The following CRTC3 variants were observed in gnomAD, a reference collection of about 807,000 sequenced individuals.
The protein encoded by CRTC3 is CREB-regulated transcription coactivator 3.
Under a neutral mutation model 74.5 loss-of-function variants are expected in CRTC3, and 26 were observed. That is an observed-to-expected ratio of 0.35 (90% CI 0.26 to 0.48). The LOEUF (loss-of-function observed/expected upper bound fraction) is 0.48. Ranked by LOEUF, CRTC3 falls within the 20% of genes least tolerant of loss-of-function variation. CRTC3 has a pLI of 0.99. For missense variants in CRTC3, 760 were observed against 787.3 expected, an observed-to-expected ratio of 0.97 and a Z score of 0.41; for synonymous variants, 377 against 325.8, an observed-to-expected ratio of 1.16 and a Z score of -1.69.
intron 4 of CRTC3, among the ~76,000 whole-genome samples, chr15:90,603,982 G>A (rs4476150): frequency 0.7 from 105,803 of 152,102 alleles, 37,087 homozygotes; most frequent in South Asian, 0.78. Flanking sequence ...CAGAGCACCA[G>A]GACTGGTTAG....
At chr15:90,641,577 G>A (rs1969444244) in intron 14 of CRTC3, among the ~76,000 whole-genome samples, 1 of 152,006 alleles carries the variant, frequency 6.6e-6, no homozygotes. Flanking sequence ...GCGGGCGCCT[G>A]TGGTCTCAGC....
rs766855055 is a variant in CRTC3 at position 90,632,304 on chromosome 15, T to A, written c.1266+2772T>A. 6.6e-5 allele frequency among the ~76,000 whole-genome samples: 10 copies of A among 152,238 alleles called. No individual in the cohort carries two copies. In the Middle Eastern group the frequency reaches 0.01, roughly 155 times the overall value. On this transcript the variant is annotated intron_variant, in intron 11 of 14. Transcript: ENST00000268184. The stretch of plus-strand genomic sequence containing the variant: ...ATTTGTTTAATATTTAGATTTTTTT[T>A]AAATGAATGTTGCTGGACACAGTTG...
chr15:90,614,755 G>A (rs150450324), intron 7 of CRTC3, among the ~76,000 whole-genome samples: 1 of 152,176 alleles, frequency 6.6e-6, no homozygotes, highest in African/African-American at 2.4e-5. Context: ...ACCAAAAATT[G>A]TAATCACATG....
chr15:90,550,406 G>GT (rs1438758511), intron 2 of CRTC3, among the ~76,000 whole-genome samples: 2 of 145,356 alleles, frequency 1.4e-5, no homozygotes, highest in East Asian at 4.0e-4. Flanking sequence ...GTGAAACTCC[G>GT]TCTCAAAAAA....
chr15:90,569,489 T>G (rs920157968), intron 2 of CRTC3, among the ~76,000 whole-genome samples: 3 of 147,068 alleles, frequency 2.0e-5, no homozygotes, highest in Non-Finnish European at 4.5e-5. Flanking sequence ...CTGGCTAATT[T>G]TGTATTTTTA....
Position 90,617,914 on chromosome 15 carries a change from G to T in CRTC3, c.645G>T (p.Glu215Asp). ...CTTTCCCTGGCCCATTGAAAGAAGA[G>T]AATCTGTTAAATGTTCCGAAGCCAC... is the stretch of plus-strand genomic sequence containing the variant. ...VASFPGPLKEENLLNVPKPLP... is the reference protein window; with the variant it reads ...VASFPGPLKEDNLLNVPKPLP... The change falls in exon 8 of 15, where the codon GAG becomes GAT. Residue 215 changes from glutamate (E) to aspartate (D), a missense_variant. Glu to Asp is a conservative substitution (Grantham distance 45). Around this residue, in one of 2 missense-constraint regions of CRTC3, gnomAD observed 652 missense variants for 635.2 expected, o/e 1.03. Transcript: ENST00000268184. 3.1e-6 allele frequency: 5 copies of T among 1,613,066 alleles called. No individual in the cohort carries two copies. The highest frequency in any genetic ancestry group is 1.1e-5 in the South Asian group (1 of 91,062).
At chr15:90,587,521 G>A (rs1347851128) in intron 2 of CRTC3, among the ~76,000 whole-genome samples, 1 of 152,206 alleles carries the variant, frequency 6.6e-6, no homozygotes, top group Non-Finnish European at 1.5e-5. Context: ...CCCATGTTCT[G>A]AAACAGTAGA....
chr15:90,593,082 G>A (rs1967838896), intron 2 of CRTC3, among the ~76,000 whole-genome samples: 1 of 152,198 alleles, frequency 6.6e-6, no homozygotes, highest in Admixed American at 6.5e-5. Context: ...GAACCTGGGA[G>A]GCGGAGGTTG....
intron 2 of CRTC3, among the ~76,000 whole-genome samples, chr15:90,557,878 G>T (rs1177618619): frequency 3.3e-5 from 5 of 152,124 alleles, no homozygotes; most frequent in Non-Finnish European, 7.4e-5. Flanking sequence ...ATGGTAACCT[G>T]CCTCGTTTCC....
chr15:90,612,176 G>A (rs145114896), intron 6 of CRTC3, among the ~76,000 whole-genome samples: 2 of 151,584 alleles, frequency 1.3e-5, no homozygotes, highest in Admixed American at 1.3e-4. Flanking sequence ...CAGCAAATTG[G>A]TTAGGGACAT....
Position 90,642,508 on chromosome 15 carries a change from CCA to C in CRTC3, c.*370_*371del. 2.8e-6 allele frequency: 1 copy of C among 354,008 alleles called. No individual in the cohort carries two copies. The allele number at this position is 354,008 out of a possible 1,614,324, so 21.9% of individuals were successfully genotyped here. A position where few individuals can be genotyped will look rare whatever the true frequency, so the allele number is the denominator to read the frequency against. On this transcript the variant is annotated 3_prime_UTR_variant, in exon 15 of 15. Coordinates refer to ENST00000268184, the MANE Select transcript of CRTC3 (RefSeq NM_022769.5). The stretch of plus-strand genomic sequence containing the variant: ...GTAGCATTGTGTAGTGTGCTCAGAA[CCA>C]CTGATCTCCGTCCGCACCGAAGGCG...
chr15:90,632,535 C>A (rs1024175337), intron 11 of CRTC3, among the ~76,000 whole-genome samples: 2 of 152,200 alleles, frequency 1.3e-5, no homozygotes, highest in African/African-American at 4.8e-5. Flanking sequence ...CTGTCTTTCC[C>A]TCTCGTTAGG....
At chr15:90,605,396 C>G (rs1322194915) in intron 5 of CRTC3, among the ~76,000 whole-genome samples, 1 of 152,178 alleles carries the variant, frequency 6.6e-6, no homozygotes, top group East Asian at 1.9e-4. Flanking sequence ...CCACCTCAGT[C>G]CCGTGACTGG....
At chr15:90,587,939 C>T (rs954349342) in intron 2 of CRTC3, among the ~76,000 whole-genome samples, 11 of 151,196 alleles carry the variant, frequency 7.3e-5, no homozygotes, top group Admixed American at 3.3e-4. Context: ...TTTTGACTTA[C>T]ACCTCCCTTG....
In CRTC3 at chr15:90,530,196, T is replaced by A; in HGVS notation, c.125T>A (p.Leu42Gln). ...GAGCAGCTCATGACCGACCTCACCC[T>A]GTCGCGGGTGAGGGCCCGGGCCGGC... ...AFEQLMTDLTLSRVQFQKLQQ... is the reference protein window; with the variant it reads ...AFEQLMTDLTQSRVQFQKLQQ... The change falls in exon 1 of 15, where the codon CTG becomes CAG. Residue 42 changes from leucine (L) to glutamine (Q), a missense_variant. Physicochemically the swap from Leu to Gln is moderately radical, Grantham distance 113. Coordinates refer to ENST00000268184, the MANE Select transcript of CRTC3 (RefSeq NM_022769.5). The surrounding 1 kb of genome is among the most constrained non-coding windows in gnomAD (Gnocchi z 6.2). 7.9e-7 allele frequency: 1 copy of A among 1,264,318 alleles called. No individual in the cohort carries two copies. Among genetic ancestry groups the A allele is most frequent in the Non-Finnish European group, 1.0e-6 (1 of 980,014 alleles). The allele number at this position is 1,264,318 out of a possible 1,614,324, so 78.3% of individuals were successfully genotyped here. A position where few individuals can be genotyped will look rare whatever the true frequency, so the allele number is the denominator to read the frequency against.
intron 2 of CRTC3, among the ~76,000 whole-genome samples, chr15:90,591,192 G>T (rs943149264): frequency 1.3e-5 from 2 of 151,498 alleles, no homozygotes; most frequent in East Asian, 3.9e-4. Context: ...TTGAACTCCT[G>T]GCCTCAAGTG....
chr15:90,621,522 CA>C (rs1321668706), intron 9 of CRTC3, among the ~76,000 whole-genome samples: 1 of 152,090 alleles, frequency 6.6e-6, no homozygotes, highest in East Asian at 1.9e-4. Flanking sequence ...AGGGTTTCAC[CA>C]TATTGGCCAG....
chr15:90,541,780 T>G (rs1225093235), intron 2 of CRTC3, among the ~76,000 whole-genome samples: 1 of 90,278 alleles, frequency 1.1e-5, no homozygotes, highest in South Asian at 2.9e-4. Context: ...CTTCCCAGGA[T>G]TCTTTTTTTC....
At chr15:90,547,812 C>G (rs1477121502) in intron 2 of CRTC3, among the ~76,000 whole-genome samples, 2 of 151,604 alleles carry the variant, frequency 1.3e-5, no homozygotes, top group African/African-American at 4.9e-5. Context: ...AATGGCTTGT[C>G]AGGCAGCTGT....
Sources: allele counts gnomAD v4.1 joint callset (sites outside exome capture counted in the v4.1 genomes callset), GRCh38; gene constraint gnomAD v4.1.1; regional missense constraint gnomAD v4.1.1; non-coding constraint Gnocchi (gnomAD v3.1); transcripts MANE v1.5; gene names NCBI Gene and HGNC (gene_info 2026-07-23, HGNC 2026-07-21).